KIF1C: variants seen among roughly 807,000 people sequenced by gnomAD.
KIF1C encodes the protein kinesin family member 1C.
A neutral mutation model predicts 126.5 loss-of-function variants in KIF1C; 61 were observed. The observed-to-expected ratio is 0.48, with a 90% CI of 0.39 to 0.60. KIF1C has a LOEUF of 0.60. KIF1C is among the 20% of genes least tolerant of loss of function. The pLI, the probability that KIF1C is intolerant of heterozygous loss-of-function variation, is 0.00. For missense variants in KIF1C, 1,315 were observed against 1,489.2 expected (o/e 0.88, Z 1.93); for synonymous variants, 640 against 580.6 (o/e 1.10, Z -1.47).
chr17:5,023,099 C>G lies in KIF1C; in HGVS notation c.2629-369C>G, dbSNP rs1975127921. 6.6e-6 allele frequency among the ~76,000 whole-genome samples: 1 copy of G among 152,226 alleles called. No individual in the cohort carries two copies. The highest frequency in any genetic ancestry group is 6.5e-5 in the Admixed American group (1 of 15,290). ...GCACAATCTCGGCTCACTGCAACTT[C>G]CGCCTCCCAGGTTCAAGCCATTCTC... On this transcript the variant is annotated intron_variant, in intron 22 of 22. Transcript: ENST00000320785. The surrounding 1 kb of genome is among the most constrained non-coding windows in gnomAD (Gnocchi z 4.2).
intron 16 of KIF1C, chr17:5,011,597 C>T (rs954186846): frequency 8.5e-5 from 13 of 152,264 alleles, no homozygotes; most frequent in Admixed American, 6.5e-4. Flanking sequence ...AGCCCATCAG[C>T]GTTTGCCAGT....
At position 5,022,743 on chromosome 17, in the gene KIF1C, C is replaced by T; in HGVS notation, c.2628+34C>T. On this transcript the variant is annotated intron_variant, in intron 22 of 22. Transcript: ENST00000320785. The surrounding 1 kb of genome is among the most constrained non-coding windows in gnomAD (Gnocchi z 4.9). ...GGCCTTCTGCCTCCCTTCTCTCCTC[C>T]CTCGGCTCTTCACTTTAGGAGTCTG... The T allele has an allele frequency of 6.7e-7, 1 of 1,485,612 alleles. No individual in the cohort carries two copies. The highest frequency in any genetic ancestry group is 8.9e-7 in the Non-Finnish European group (1 of 1,123,248). The allele number at this position is 1,485,612 out of a possible 1,614,324, so 92.0% of individuals were successfully genotyped here. A position where few individuals can be genotyped will look rare whatever the true frequency, so the allele number is the denominator to read the frequency against.
In KIF1C at chr17:5,020,485, T is replaced by C; in HGVS notation, c.1751-7T>C. On this transcript the variant is annotated splice_polypyrimidine_tract_variant and splice_region_variant and intron_variant, in intron 19 of 22. Coordinates refer to ENST00000320785, the MANE Select transcript of KIF1C (RefSeq NM_006612.6). This position sits in a 1 kb window ranked among gnomAD's most constrained non-coding sequence, Gnocchi z 5.8. The stretch of plus-strand genomic sequence containing the variant: ...GCGAGTTTACTTTTCCCTCCTCCCA[T>C]CTCTAGGGAATAGGATTGTGATGGG... 1 of 1,604,348 alleles carries C rather than the reference T, an allele frequency of 6.2e-7. No individual in the cohort carries two copies. The highest frequency in any genetic ancestry group is 8.5e-7 in the Non-Finnish European group (1 of 1,173,804).
At chr17:5,000,976 G>A in intron 4 of KIF1C, 128 bp downstream of exon 4, 1 of 1,043,804 alleles carries the variant, frequency 9.6e-7, no homozygotes, top group Non-Finnish European at 1.5e-6. Flanking sequence ...ATGATCCTGG[G>A]TGGGGGTGGT....
intron 13 of KIF1C, among the ~76,000 whole-genome samples, chr17:5,005,959 C>T (rs1467212044): frequency 6.6e-6 from 1 of 151,878 alleles, no homozygotes; most frequent in Non-Finnish European, 1.5e-5. Context: ...GTAATCCCAG[C>T]ATTTGGGGAG....
chr17:5,000,904 C>T, intron 4 of KIF1C, 56 bp downstream of exon 4: 2 of 1,521,984 alleles, frequency 1.3e-6, no homozygotes, highest in Non-Finnish European at 9.1e-7. Context: ...GATTTAGGTC[C>T]TGGGGAGGGG....
Position 5,005,094 on chromosome 17 carries a change from A to G in KIF1C, c.1165+94A>G, listed in dbSNP as rs1382126242. 8.7e-6 allele frequency: 13 copies of G among 1,494,714 alleles called. No homozygotes were observed. In the East Asian group the frequency reaches 2.7e-4, roughly 31 times the overall value. 92.6% of individuals were successfully genotyped at this position (1,494,714 alleles called of 1,614,324 possible). A position where few individuals can be genotyped will look rare whatever the true frequency, so the allele number is the denominator to read the frequency against. On this transcript the variant is annotated intron_variant, in intron 13 of 22. Coordinates refer to ENST00000320785, the MANE Select transcript of KIF1C (RefSeq NM_006612.6). ...TGCCCAGTCCTGGAGCCAGGGAGGG[A>G]CCACACACTATGAAACCTTTCATGT...
chr17:5,004,438 A>C (rs1974677395), intron 11 of KIF1C, 129 bp from the exon 12 acceptor site: 1 of 815,960 alleles, frequency 1.2e-6, no homozygotes, highest in Non-Finnish European at 2.1e-6. Context: ...CCACCCCGCT[A>C]GACTCCCCTA....
At chr17:5,007,683 C>A (rs1433994679) in intron 16 of KIF1C, 141 bp downstream of exon 16, 1 of 566,346 alleles carries the variant, frequency 1.8e-6, no homozygotes, top group Non-Finnish European at 3.0e-6. Context: ...TCTGTCCCCT[C>A]CCCTGCCACC....
intron 4 of KIF1C, among the ~76,000 whole-genome samples, 175 bp downstream of exon 4, chr17:5,001,023 G>C (rs940991564): frequency 2.6e-5 from 4 of 152,072 alleles, no homozygotes; most frequent in Admixed American, 6.5e-5. Flanking sequence ...TCGACAGGAA[G>C]GCGGAATCCC....
rs998632026 is a variant in KIF1C at position 5,027,467 on chromosome 17, T to G, written c.*3316T>G. The G allele has an allele frequency of 3.3e-5, 5 of 152,308 alleles. No homozygotes were observed. The highest frequency in any genetic ancestry group is 6.6e-5 in the Admixed American group (1 of 15,262). 9.4% of individuals were successfully genotyped at this position (152,308 alleles called of 1,614,324 possible). ...TTTTTAGAATCAAGATCTTGCTATG[T>G]TGCCCAGGCTGAACTCGAACTCCTG... On this transcript the variant is annotated 3_prime_UTR_variant, in exon 23 of 23. Transcript: ENST00000320785.
At position 5,003,676 on chromosome 17, in the gene KIF1C, G is replaced by A; in HGVS notation, c.785G>A (p.Gly262Asp). ...SERADSSGAR[G>D]MRLKEGANIN... ...CGAGCCGACTCCTCAGGGGCCCGGG[G>A]CATGCGCCTGAAGGTGAGGGGCCTT... Residue 262 changes from glycine to aspartate, a missense_variant, in exon 9 of 23, where the codon GGC (glycine) becomes GAC (aspartate). Physicochemically the swap from Gly to Asp is moderately conservative, Grantham distance 94. Coordinates refer to ENST00000320785, the MANE Select transcript of KIF1C (RefSeq NM_006612.6). 1.2e-6 allele frequency: 2 copies of A among 1,613,516 alleles called. No homozygotes were observed. The highest frequency in any genetic ancestry group is 1.3e-5 in the African/African-American group (1 of 75,042).
chr17:5,000,743 T>C (rs1229816094), intron 3 of KIF1C, 29 bp from the exon 4 acceptor site: 1 of 1,609,932 alleles, frequency 6.2e-7, no homozygotes, highest in East Asian at 2.2e-5. Context: ...ACCTTGACTT[T>C]CCTTCCTTTA....
At chr17:5,003,490 C>A in intron 8 of KIF1C, 122 bp from the exon 9 acceptor site, 1 of 646,850 alleles carries the variant, frequency 1.5e-6, no homozygotes, top group Non-Finnish European at 2.7e-6. Flanking sequence ...CCTCCTCCCT[C>A]GCCTCCTCCT....
In KIF1C at chr17:5,023,646, G is replaced by A. The variant is rs1352623558; in HGVS notation, c.2807G>A (p.Arg936His). 5 of 1,612,776 alleles carry A rather than the reference G, an allele frequency of 3.1e-6. No homozygotes were observed. The highest frequency in any genetic ancestry group is 2.2e-5 in the East Asian group (1 of 44,850). The change falls in exon 23 of 23, where the codon CGT becomes CAT. Residue 936 changes from arginine (R) to histidine (H), a missense_variant. Physicochemically the swap from Arg to His is conservative, Grantham distance 29. Around this residue, in one of 2 missense-constraint regions of KIF1C, gnomAD observed 441 missense variants for 436.1 expected, o/e 1.01. Coordinates refer to ENST00000320785, the MANE Select transcript of KIF1C (RefSeq NM_006612.6). The surrounding 1 kb of genome is among the most constrained non-coding windows in gnomAD (Gnocchi z 4.2). ...RLMEEDPAFR[R>H]GRLRWLKQEQ... ...ATGGAGGAGGACCCTGCCTTCCGTC[G>A]TGGTCGTCTTCGCTGGCTCAAGCAG...
Position 5,020,340 on chromosome 17 carries a change from C to T in KIF1C, c.1751-152C>T. 1 of 847,270 alleles carries T rather than the reference C, an allele frequency of 1.2e-6. No homozygotes were observed. The allele number at this position is 847,270 out of a possible 1,614,324, so 52.5% of individuals were successfully genotyped here. On this transcript the variant is annotated intron_variant, in intron 19 of 22. Transcript: ENST00000320785. The surrounding 1 kb of genome is among the most constrained non-coding windows in gnomAD (Gnocchi z 5.8). Reference sequence around the variant, plus strand: ...AATGGGGTTGGTCCCTGGGTGTCAGCCAGGGGAGCATAGGCTCCAACTGCC... The same window carrying T: ...AATGGGGTTGGTCCCTGGGTGTCAGTCAGGGGAGCATAGGCTCCAACTGCC...
chr17:5,004,528 C>T (rs767407779), intron 11 of KIF1C, 39 bp from the exon 12 acceptor site: 11 of 1,598,442 alleles, frequency 6.9e-6, no homozygotes, highest in South Asian at 2.2e-5. Context: ...TGCTTAGCCC[C>T]TCCCTCAGCT....
intron 16 of KIF1C, among the ~76,000 whole-genome samples, chr17:5,009,878 A>G (rs565137224): frequency 8.6e-4 from 131 of 152,138 alleles, no homozygotes; most frequent in African/African-American, 3.0e-3. Context: ...AGAACTATAC[A>G]CATTTACTCA....
At chr17:5,003,100 A>G (rs1974642727) in intron 8 of KIF1C, among the ~76,000 whole-genome samples, 1 of 150,354 alleles carries the variant, frequency 6.7e-6, no homozygotes, top group Non-Finnish European at 1.5e-5. Context: ...ACAGTGGTGC[A>G]GTGGTGCGAT....
Sources: gnomAD v4.1 joint callset for allele counts (sites outside exome capture counted in the v4.1 genomes callset) on GRCh38, gnomAD v4.1.1 for gene constraint, gnomAD v4.1.1 regional missense constraint, Gnocchi (gnomAD v3.1) non-coding constraint, MANE v1.5 for transcripts, NCBI Gene and HGNC (gene_info 2026-07-23, HGNC 2026-07-21) for gene names.